The following WDPCP variants were observed in gnomAD, a reference collection of about 807,000 sequenced individuals.
WDPCP encodes WD repeat-containing and planar cell polarity effector protein fritz homolog.
A neutral mutation model predicts 93.1 loss-of-function variants in WDPCP; 71 were observed. The observed-to-expected ratio is 0.76, with a 90% CI of 0.63 to 0.93. The LOEUF is 0.93. Among genes scored for constraint, WDPCP ranks in the 40% least tolerant of loss-of-function variants. WDPCP has a pLI of 0.00. For missense variants in WDPCP, 844 were observed against 887.4 expected (o/e 0.95, Z 0.62); for synonymous variants, 315 against 315.0 (o/e 1.00, Z 0.00).
chr2:63,749,557 T>C (rs1669848675), intron 2 of WDPCP, among the ~76,000 whole-genome samples: 1 of 152,118 alleles, frequency 6.6e-6, no homozygotes, highest in South Asian at 2.1e-4. Flanking sequence ...TATTATAAAA[T>C]AGGCTTTGTC....
At chr2:63,490,400 C>A (rs920577183) in intron 2 of WDPCP, among the ~76,000 whole-genome samples, 5 of 152,070 alleles carry the variant, frequency 3.3e-5, no homozygotes, top group African/African-American at 9.7e-5. Context: ...AAAAAAAATT[C>A]TCTGTACTGA....
intron 14 of WDPCP, among the ~76,000 whole-genome samples, chr2:63,234,089 G>A (rs1247097111): frequency 6.6e-6 from 1 of 152,122 alleles, no homozygotes; most frequent in Non-Finnish European, 1.5e-5. Context: ...ATGAGATAAT[G>A]TATGAACAGT....
chr2:63,368,318 ATTT>A (rs1360880908), intron 12 of WDPCP, among the ~76,000 whole-genome samples: 2,334 of 94,818 alleles, frequency 0.025, 71 homozygotes, highest in African/African-American at 0.08. Context: ...TTATTTATTT[ATTT>A]ATTTATTTAT....
intron 17 of WDPCP, among the ~76,000 whole-genome samples, chr2:63,152,028 C>T (rs1162514791): frequency 1.3e-5 from 2 of 151,838 alleles, no homozygotes; most frequent in East Asian, 1.9e-4. Context: ...AACTGAGATG[C>T]GATGTCAGAG....
At position 63,238,458 on chromosome 2, in the gene WDPCP, T is replaced by C. The variant is rs566329031; in HGVS notation, c.1915+20849A>G. ...AGTAATTGTGAAATTTTAAAGAATG[T>C]GTACAACGACTTGGGTAACAAACTA... On this transcript the variant is annotated intron_variant, in intron 14 of 17. Transcript: ENST00000272321. Among the ~76,000 whole-genome samples, 4 of 152,324 alleles carry C rather than the reference T, an allele frequency of 2.6e-5. No individual in the cohort carries two copies. The South Asian group carries it at 8.3e-4, about 32-fold the overall frequency.
chr2:63,558,182 T>C (rs1022528958), intron 1 of WDPCP, among the ~76,000 whole-genome samples: 2 of 151,572 alleles, frequency 1.3e-5, no homozygotes, highest in African/African-American at 4.8e-5. Flanking sequence ...AATCAATGAA[T>C]CCAGTAGCTG....
chr2:63,231,262 A>C (rs1178926193), intron 14 of WDPCP, among the ~76,000 whole-genome samples: 1 of 152,224 alleles, frequency 6.6e-6, no homozygotes, highest in Non-Finnish European at 1.5e-5. Context: ...CCCTTTGAAA[A>C]GTCGCACAAG....
At chr2:63,831,683 GTATATA>G (rs146615119), upstream of WDPCP, among the ~76,000 whole-genome samples, 6 of 148,326 alleles carry the variant, frequency 4.0e-5, no homozygotes, top group Admixed American at 4.0e-4. Flanking sequence ...ATTTGTGTGT[GTATATA>G]TATATATATA....
intron 1 of WDPCP, among the ~76,000 whole-genome samples, chr2:63,555,460 C>T (rs541282977): frequency 6.6e-6 from 1 of 152,226 alleles, no homozygotes. Flanking sequence ...GGATTCCCCC[C>T]AGTGCAGCAC....
intron 2 of WDPCP, among the ~76,000 whole-genome samples, chr2:63,662,143 C>T (rs199739459): frequency 2.0e-5 from 3 of 152,226 alleles, no homozygotes; most frequent in Non-Finnish European, 4.4e-5. Flanking sequence ...TGTGCCACAA[C>T]AAGCCAGTAC....
At chr2:63,323,701 A>G (rs1273433419) in intron 12 of WDPCP, among the ~76,000 whole-genome samples, 3 of 152,148 alleles carry the variant, frequency 2.0e-5, no homozygotes, top group Non-Finnish European at 2.9e-5. Context: ...TGTGTCGGTA[A>G]GGGCCACTAA....
intron 12 of WDPCP, among the ~76,000 whole-genome samples, chr2:63,339,218 G>C (rs1037819005): frequency 3.3e-5 from 5 of 151,916 alleles, no homozygotes; most frequent in Admixed American, 2.0e-4. Flanking sequence ...CTGTCACCCA[G>C]GCTAGAGGGC....
At chr2:63,504,184 T>C (rs1701723900) in intron 1 of WDPCP, among the ~76,000 whole-genome samples, 1 of 152,102 alleles carries the variant, frequency 6.6e-6, no homozygotes, top group Non-Finnish European at 1.5e-5. Flanking sequence ...CTATGGCTTC[T>C]AGAAAAACTT....
Position 63,210,612 on chromosome 2 carries a change from G to A in WDPCP, c.1916-35780C>T, listed in dbSNP as rs550520059. Among the ~76,000 whole-genome samples the A allele has an allele frequency of 7.9e-5, 12 of 152,264 alleles. No individual in the cohort carries two copies. The South Asian group carries it at 2.5e-3, about 32-fold the overall frequency. ...GGGGCTTGTCAGACAGTGGGTGCAG[G>A]ACAGTGGGTGCAGCCCATGGACTGT... On this transcript the variant is annotated intron_variant, in intron 14 of 17. Coordinates refer to ENST00000272321, the MANE Select transcript of WDPCP (RefSeq NM_015910.7).
chr2:63,208,998 T>C (rs1676548169), intron 14 of WDPCP, among the ~76,000 whole-genome samples: 1 of 152,208 alleles, frequency 6.6e-6, no homozygotes, highest in Admixed American at 6.5e-5. Context: ...AAGGGTTGTA[T>C]CTGGCTGGTG....
intron 12 of WDPCP, among the ~76,000 whole-genome samples, chr2:63,375,034 CTATT>C (rs1457495018): frequency 1.3e-5 from 2 of 151,982 alleles, no homozygotes; most frequent in African/African-American, 4.8e-5. Context: ...TCACATAACA[CTATT>C]TGAGTCAGAA....
At chr2:63,470,533 T>A (rs1373407659) in intron 6 of WDPCP, among the ~76,000 whole-genome samples, 1 of 152,054 alleles carries the variant, frequency 6.6e-6, no homozygotes, top group Admixed American at 6.6e-5. Context: ...TCTGGCCATT[T>A]CTCACCACTC....
chr2:63,171,640 C>T (rs759129377), intron 15 of WDPCP, among the ~76,000 whole-genome samples: 2 of 151,994 alleles, frequency 1.3e-5, no homozygotes, highest in African/African-American at 2.4e-5. Context: ...TTAAAACTAG[C>T]GAATTAAATA....
intron 1 of WDPCP, among the ~76,000 whole-genome samples, chr2:63,562,300 A>G (rs1208580601): frequency 2.0e-5 from 3 of 152,158 alleles, no homozygotes; most frequent in African/African-American, 7.2e-5. Context: ...ATTCTCACTT[A>G]TAAGTGGGAG....
Sources: allele counts gnomAD v4.1 joint callset (sites outside exome capture counted in the v4.1 genomes callset), GRCh38; gene constraint gnomAD v4.1.1; transcripts MANE v1.5; gene names NCBI Gene and HGNC (gene_info 2026-07-23, HGNC 2026-07-21).